ARMH4: variants seen among roughly 807,000 people sequenced by gnomAD.
ARMH4 encodes the protein armadillo like helical domain containing 4, also known as armadillo-like helical domain-containing protein 4.
A neutral mutation model predicts 61.9 loss-of-function variants in ARMH4; 49 were observed. The ratio of observed to expected loss-of-function variants is 0.79; its 90% CI spans 0.63 to 1.00. ARMH4 has a LOEUF of 1.00. Ranked by LOEUF, ARMH4 falls within the 50% of genes least tolerant of loss-of-function variation. ARMH4 has a pLI of 0.00. For missense variants in ARMH4, 934 were observed against 930.0 expected, an observed-to-expected ratio of 1.00 and a Z score of -0.06; for synonymous variants, 368 against 341.5, an observed-to-expected ratio of 1.08 and a Z score of -0.85.
At chr14:58,094,156 C>T (rs957345645) in intron 5 of ARMH4, among the ~76,000 whole-genome samples, 3 of 151,738 alleles carry the variant, frequency 2.0e-5, no homozygotes, top group Admixed American at 2.0e-4. Context: ...ATGGTGAAAC[C>T]CTGTCTCTAC....
At chr14:58,141,430 G>C (rs17094375) in intron 1 of ARMH4, 1 of 538,614 alleles carries the variant, frequency 1.9e-6, no homozygotes, top group African/African-American at 1.9e-5. Flanking sequence ...GAAACGGCTG[G>C]AGGATGGCCA....
chr14:58,039,836 A>G lies in ARMH4; in HGVS notation c.2090-27686T>C, dbSNP rs75546680. ...AAATTAAGATACTGGATAGCTGGGT[A>G]TCATGTAGAACTGCAGCAATGATGC... On this transcript the variant is annotated intron_variant, in intron 5 of 7. Coordinates refer to ENST00000267485, the MANE Select transcript of ARMH4 (RefSeq NM_001001872.4). Among the ~76,000 whole-genome samples, 757 of 152,316 alleles carry G rather than the reference A, an allele frequency of 5.0e-3. 2 individuals carry two copies. The highest frequency in any genetic ancestry group is 0.017 in the African/African-American group (721 of 41,574).
intron 5 of ARMH4, among the ~76,000 whole-genome samples, chr14:58,052,278 A>T (rs1458758468): frequency 6.6e-6 from 1 of 152,062 alleles, no homozygotes; most frequent in Non-Finnish European, 1.5e-5. Context: ...TTATTATACC[A>T]GCTACCATTT....
chr14:58,044,803 A>T (rs953658398), intron 5 of ARMH4, among the ~76,000 whole-genome samples: 3 of 152,262 alleles, frequency 2.0e-5, no homozygotes, highest in Admixed American at 6.5e-5. Flanking sequence ...TGGGAGAAGG[A>T]TATGAACAGA....
chr14:58,096,725 C>T lies in ARMH4; in HGVS notation c.2088G>A (p.Leu696=). The change falls in exon 5 of 8, where the codon CTG becomes CTA. Residue 696 remains leucine, a splice_region_variant and synonymous_variant. Coordinates refer to ENST00000267485, the MANE Select transcript of ARMH4 (RefSeq NM_001001872.4). The part of the protein sequence containing the change: ...ALEWEQQNQG[L]VRSWMEKLKD... ...AAGGGAAATACACATGACTCTTACC[C>T]AGGCCTTGATTCTGCTGTTCCCACT... 3.1e-6 allele frequency: 5 copies of T among 1,613,542 alleles called. No homozygotes were observed. Among genetic ancestry groups the T allele is most frequent in the Non-Finnish European group, 3.4e-6 (4 of 1,179,694 alleles).
In ARMH4 at chr14:58,145,678, C is replaced by T. The variant is rs569211875; in HGVS notation, c.-56-6264G>A. Among the ~76,000 whole-genome samples the T allele has an allele frequency of 1.1e-4, 16 of 152,342 alleles. No homozygotes were observed. In the South Asian group the frequency reaches 2.3e-3, roughly 22 times the overall value. Reference sequence around the variant, plus strand: ...AAGACTTGCCTTCTGTGATTGTCAGCCACCTGCTTTCTAAATTCAAATACA... The same window carrying T: ...AAGACTTGCCTTCTGTGATTGTCAGTCACCTGCTTTCTAAATTCAAATACA... On this transcript the variant is annotated intron_variant, in intron 1 of 7. Transcript: ENST00000267485.
At chr14:58,101,100 G>C (rs1885958583) in intron 4 of ARMH4, 1 of 158,328 alleles carries the variant, frequency 6.3e-6, no homozygotes, top group East Asian at 1.8e-4. Context: ...ACATTCTGTA[G>C]GGGTTGCCTG....
At chr14:58,053,979 T>G (rs936378464) in intron 5 of ARMH4, among the ~76,000 whole-genome samples, 1 of 152,214 alleles carries the variant, frequency 6.6e-6, no homozygotes, top group Non-Finnish European at 1.5e-5. Flanking sequence ...TTAGCTTCTC[T>G]GAGTTGGGAT....
At chr14:58,071,042 C>T (rs1884867717) in intron 5 of ARMH4, among the ~76,000 whole-genome samples, 2 of 151,832 alleles carry the variant, frequency 1.3e-5, no homozygotes, top group South Asian at 4.2e-4. Context: ...TGGTTATAGT[C>T]CTACTAGCCT....
intron 2 of ARMH4, 51 bp from the exon 3 acceptor site, chr14:58,133,392 A>ATT (rs1403203073): frequency 6.5e-7 from 1 of 1,528,072 alleles, no homozygotes; most frequent in African/African-American, 1.4e-5. Context: ...ATTTTTTTAA[A>ATT]AAAAAAAAAT....
At chr14:58,124,780 A>G (rs972211302) in intron 4 of ARMH4, among the ~76,000 whole-genome samples, 6 of 152,162 alleles carry the variant, frequency 3.9e-5, no homozygotes, top group African/African-American at 1.4e-4. Context: ...TAGAAAAGGG[A>G]CTTTGAAAAG....
In ARMH4 at chr14:58,133,327, CTT is replaced by C; in HGVS notation, c.1382_1383del (p.Gln461ArgfsTer34). ...GGCTCTTGAACAGCTGTTGTCATCT[CTT>C]GAGTGATGATGTCTTAAAGGGGGGA... Reference protein sequence around the residue: ...LGNTMKDIITQEMTTAVQEPD... With the variant: ...LGNTMKDIITXEMTTAVQEPD... On this transcript the variant is annotated frameshift_variant, in exon 3 of 8. Transcript: ENST00000267485. LOFTEE classifies it high-confidence loss of function. 6.2e-7 allele frequency: 1 copy of C among 1,613,078 alleles called. No homozygotes were observed. The highest frequency in any genetic ancestry group is 1.1e-5 in the South Asian group (1 of 91,038).
chr14:58,056,988 C>G lies in ARMH4; in HGVS notation c.2089+39736G>C, dbSNP rs189358957. ...CTCCTTCCTTCCCACCAACCATACC[C>G]CAGACATCAACAATGCCCTACTAGG... On this transcript the variant is annotated intron_variant, in intron 5 of 7. Transcript: ENST00000267485. 2.1e-3 allele frequency among the ~76,000 whole-genome samples: 322 copies of G among 152,254 alleles called. 2 individuals are homozygous for G. Among genetic ancestry groups the G allele is most frequent in the African/African-American group, 7.5e-3 (312 of 41,550 alleles).
intron 4 of ARMH4, among the ~76,000 whole-genome samples, chr14:58,110,900 T>G (rs1886333539): frequency 6.6e-6 from 1 of 151,678 alleles, no homozygotes; most frequent in Admixed American, 6.6e-5. Context: ...TTTTTTTTAT[T>G]ACAGGTGCAC....
chr14:58,108,900 C>T (rs1886255570), intron 4 of ARMH4, among the ~76,000 whole-genome samples: 1 of 152,190 alleles, frequency 6.6e-6, no homozygotes, highest in African/African-American at 2.4e-5. Context: ...AATGATGTCA[C>T]TCCAGATGTC....
chr14:58,135,397 G>C (rs1414628000), intron 2 of ARMH4, among the ~76,000 whole-genome samples: 1 of 152,080 alleles, frequency 6.6e-6, no homozygotes, highest in Non-Finnish European at 1.5e-5. Context: ...TTAAGCAGTA[G>C]GTGTTCTCTA....
chr14:58,145,783 T>G (rs1830641713), intron 1 of ARMH4, among the ~76,000 whole-genome samples: 1 of 152,204 alleles, frequency 6.6e-6, no homozygotes, highest in Non-Finnish European at 1.5e-5. Flanking sequence ...TTTTTCTATG[T>G]CTGTGTATTG....
At chr14:58,083,868 T>C (rs572902375) in intron 5 of ARMH4, among the ~76,000 whole-genome samples, 32 of 152,350 alleles carry the variant, frequency 2.1e-4, no homozygotes, top group Middle Eastern at 3.4e-3. Flanking sequence ...ATGTCTCATT[T>C]GAGCCAGTTA....
At chr14:58,028,402 A>G (rs1169200842) in intron 5 of ARMH4, among the ~76,000 whole-genome samples, 3 of 152,118 alleles carry the variant, frequency 2.0e-5, no homozygotes, top group African/African-American at 7.2e-5. Context: ...TGAGTTGGGG[A>G]TTCTTGCATC....
Sources: gnomAD v4.1 joint callset for allele counts (sites outside exome capture counted in the v4.1 genomes callset) on GRCh38, gnomAD v4.1.1 for gene constraint, MANE v1.5 for transcripts, NCBI Gene and HGNC (gene_info 2026-07-23, HGNC 2026-07-21) for gene names.